Variants in MDM1 observed in about 807,000 individuals in gnomAD.
The protein encoded by MDM1 is stabilizer of axonemal microtubules 6.
MDM1 carries 61 observed loss-of-function variants against 89.1 expected under a neutral mutation model. The observed-to-expected ratio is 0.68, with a 90% CI of 0.56 to 0.85. The LOEUF is 0.85. Ranked by LOEUF, MDM1 falls within the 40% of genes least tolerant of loss-of-function variation. MDM1 has a pLI of 0.00. For synonymous variants in MDM1, 290 were observed against 294.1 expected (o/e 0.99, Z 0.14); for missense variants, 820 against 846.5 (o/e 0.97, Z 0.39).
chr12:68,326,978 AG>A lies in MDM1; in HGVS notation c.176del (p.Pro59LeufsTer52). The A allele has an allele frequency of 3.1e-6, 5 of 1,610,496 alleles. No homozygotes were observed. Among genetic ancestry groups the A allele is most frequent in the Admixed American group, 1.7e-5 (1 of 59,316 alleles). On this transcript the variant is annotated frameshift_variant, in exon 3 of 15. Transcript: ENST00000682720. LOFTEE classifies it high-confidence loss of function. ...EPSFISKRRV[P>X]YHDPQISKSL... ...ATTTTGAAATCTGTGGGTCATGGTAAGGGACTCTTCTTTTTGAAATAAAACT... is the reference window on the plus strand; with the variant it reads ...ATTTTGAAATCTGTGGGTCATGGTAAGGACTCTTCTTTTTGAAATAAAACT...
intron 3 of MDM1, chr12:68,325,869 A>C: frequency 9.7e-7 from 1 of 1,033,976 alleles, no homozygotes; most frequent in Non-Finnish European, 1.2e-6. Context: ...TTCATAATTA[A>C]ATCTATTACC....
At chr12:68,326,240 A>G (rs1875955197) in intron 3 of MDM1, 1 of 1,141,064 alleles carries the variant, frequency 8.8e-7, no homozygotes. Flanking sequence ...TTCCTTTTGC[A>G]TTTCATCAAT....
chr12:68,322,750 T>G (rs1875401075), intron 5 of MDM1, among the ~76,000 whole-genome samples: 1 of 152,258 alleles, frequency 6.6e-6, no homozygotes, highest in African/African-American at 2.4e-5. Flanking sequence ...AATCCAGTCA[T>G]TTGATATTAA....
chr12:68,332,052 G>C, intron 1 of MDM1, 176 bp downstream of exon 1: 1 of 791,928 alleles, frequency 1.3e-6, no homozygotes, highest in South Asian at 1.5e-5. Context: ...AGCGGAGAGG[G>C]AACTAGGTTA....
rs1451010618 is a variant in MDM1, at chr12:68,316,152, GC to G, written c.1136del (p.Cys379SerfsTer22). ...TTGTGGTTGAGGAGACATCCCAACA[GC>G]AGTTGCTATCAGATAAAATCTGATT... ...HLNQILSDSN[C>X]CWDVSSTTSS... On this transcript the variant is annotated frameshift_variant, in exon 9 of 15. Coordinates refer to ENST00000682720, the MANE Select transcript of MDM1 (RefSeq NM_001354969.2). LOFTEE classifies it high-confidence loss of function. The G allele has an allele frequency of 1.2e-6, 2 of 1,614,092 alleles. No individual in the cohort carries two copies. Among genetic ancestry groups the G allele is most frequent in the Non-Finnish European group, 1.7e-6 (2 of 1,179,962 alleles).
At chr12:68,320,372 C>G (rs116770230) in intron 7 of MDM1, among the ~76,000 whole-genome samples, 1 of 151,464 alleles carries the variant, frequency 6.6e-6, no homozygotes, top group Non-Finnish European at 1.5e-5. Flanking sequence ...GTCTTCAGGC[C>G]GTGCTCAAAT....
chr12:68,325,791 C>T lies in MDM1; in HGVS notation c.499-216G>A, dbSNP rs936197650. ...TCAAGTGTCAAACTATTTAAAATTCCTTTCTATCAAAGGACTATTAGGCAT... is the reference window on the plus strand; with the variant it reads ...TCAAGTGTCAAACTATTTAAAATTCTTTTCTATCAAAGGACTATTAGGCAT... On this transcript the variant is annotated intron_variant, in intron 3 of 14. Transcript: ENST00000682720. 20 of 1,173,962 alleles carry T rather than the reference C, an allele frequency of 1.7e-5. No homozygotes were observed. The East Asian group carries it at 7.0e-4, about 41-fold the overall frequency. 72.7% of individuals were successfully genotyped at this position (1,173,962 alleles called of 1,614,324 possible). A position where few individuals can be genotyped will look rare whatever the true frequency, so the allele number is the denominator to read the frequency against.
In MDM1 at chr12:68,326,677, A is replaced by T; in HGVS notation, c.478T>A (p.Ser160Thr). 1 of 1,614,176 alleles carries T rather than the reference A, an allele frequency of 6.2e-7. No homozygotes were observed. Among genetic ancestry groups the T allele is most frequent in the East Asian group, 2.2e-5 (1 of 44,886 alleles). ...VELEHSTKVL[S>T]ENVDNGLDRL... The stretch of plus-strand genomic sequence containing the variant: ...CCTACCCCATTATCTACATTTTCTG[A>T]AAGAACCTTGGTAGAATGTTCCAGT... The change falls in exon 3 of 15, where the codon TCA (serine) becomes ACA (threonine). Residue 160 changes from serine to threonine, a missense_variant. By Grantham distance (58) the Ser-to-Thr change is moderately conservative. Transcript: ENST00000682720.
chr12:68,300,490 A>C (rs1399543727), intron 13 of MDM1, among the ~76,000 whole-genome samples: 2 of 152,210 alleles, frequency 1.3e-5, no homozygotes, highest in Admixed American at 6.5e-5. Context: ...ATGCAAATGG[A>C]AACCAAAAGC....
chr12:68,310,674 C>T (rs1033352300), intron 12 of MDM1, among the ~76,000 whole-genome samples: 16 of 152,194 alleles, frequency 1.1e-4, no homozygotes, highest in African/African-American at 3.4e-4. Context: ...AACATTCATT[C>T]AATCTGTTAC....
intron 3 of MDM1, 84 bp downstream of exon 3, chr12:68,326,573 C>T (rs577348723): frequency 6.2e-7 from 1 of 1,613,038 alleles, no homozygotes; most frequent in Non-Finnish European, 8.5e-7. Flanking sequence ...AATTCTGAAA[C>T]ACAAAATGTA....
chr12:68,305,749 T>C (rs1273480001), intron 12 of MDM1, among the ~76,000 whole-genome samples: 1 of 152,046 alleles, frequency 6.6e-6, no homozygotes, highest in African/African-American at 2.4e-5. Context: ...AAATTATAGA[T>C]GACATAAACA....
chr12:68,295,531 T>A (rs971990076), intron 14 of MDM1, among the ~76,000 whole-genome samples, 165 bp from the exon 15 acceptor site: 53 of 152,254 alleles, frequency 3.5e-4, no homozygotes. Flanking sequence ...AACACTCTCA[T>A]GATACCTCAC....
At chr12:68,314,002 T>G (rs1161251525) in intron 10 of MDM1, among the ~76,000 whole-genome samples, 1 of 152,034 alleles carries the variant, frequency 6.6e-6, no homozygotes, top group Non-Finnish European at 1.5e-5. Context: ...CTGGGTGTGG[T>G]GGCGGGCACC....
At chr12:68,309,155 A>G (rs1200648129) in intron 12 of MDM1, among the ~76,000 whole-genome samples, 1 of 152,144 alleles carries the variant, frequency 6.6e-6, no homozygotes, top group Non-Finnish European at 1.5e-5. Flanking sequence ...AGAAATCCCA[A>G]TGTTGCCATG....
intron 2 of MDM1, among the ~76,000 whole-genome samples, chr12:68,328,218 G>A (rs1215351429): frequency 6.6e-6 from 1 of 152,220 alleles, no homozygotes; most frequent in South Asian, 2.1e-4. Flanking sequence ...GCAGAGATTA[G>A]AAATAACAAA....
intron 7 of MDM1, 125 bp from the exon 8 acceptor site, chr12:68,316,735 T>C (rs992618472): frequency 3.7e-6 from 3 of 812,886 alleles, no homozygotes; most frequent in African/African-American, 1.7e-5. Flanking sequence ...TCAATATTTC[T>C]TGGGATTTTT....
At chr12:68,314,883 G>A (rs1255710051) in intron 10 of MDM1, 65 bp downstream of exon 10, 8 of 1,332,494 alleles carry the variant, frequency 6.0e-6, no homozygotes, top group Non-Finnish European at 8.3e-6. Context: ...ACTATATTTA[G>A]TGACAAAATA....
chr12:68,318,976 C>G (rs1340113521), intron 7 of MDM1, among the ~76,000 whole-genome samples: 3 of 152,128 alleles, frequency 2.0e-5, no homozygotes, highest in Non-Finnish European at 2.9e-5. Context: ...CAATGTCTGT[C>G]AAATTACAGG....
Sources: gnomAD v4.1 joint callset for allele counts (sites outside exome capture counted in the v4.1 genomes callset) on GRCh38, gnomAD v4.1.1 for gene constraint, MANE v1.5 for transcripts, NCBI Gene and HGNC (gene_info 2026-07-23, HGNC 2026-07-21) for gene names.